Variants in NFIC observed in about 807,000 individuals in gnomAD.
The protein encoded by NFIC is nuclear factor I C.
NFIC carries 12 observed loss-of-function variants against 54.4 expected under a neutral mutation model. The ratio of observed to expected loss-of-function variants is 0.22; its 90% CI spans 0.14 to 0.36. The LOEUF (loss-of-function observed/expected upper bound fraction) is 0.36, where lower values mean the gene tolerates loss of function less well. Among genes scored for constraint, NFIC ranks in the 10% least tolerant of loss-of-function variants. The probability of loss-of-function intolerance (pLI) is 1.00; values close to 1 mark genes in which losing one functional copy is unlikely to be tolerated. For synonymous variants in NFIC, 322 were observed against 319.2 expected (o/e 1.01, Z -0.09); for missense variants, 575 against 718.2 (o/e 0.80, Z 2.28).
At chr19:3,390,077 C>T (rs963900435) in intron 2 of NFIC, among the ~76,000 whole-genome samples, 16 of 152,252 alleles carry the variant, frequency 1.1e-4, no homozygotes, top group Non-Finnish European at 5.9e-5. Context: ...CCAGTGCCGC[C>T]GTGAAACCCT....
At chr19:3,411,194 A>G (rs571493454) in intron 2 of NFIC, 2 of 151,280 alleles carry the variant, frequency 1.3e-5, no homozygotes, top group Non-Finnish European at 1.5e-5. Flanking sequence ...TTTTTTTTTT[A>G]AAGTAGAGAT....
chr19:3,363,265 ATATATTT>A (rs1249931719), upstream of NFIC, among the ~76,000 whole-genome samples: 200 of 48,672 alleles, frequency 4.1e-3, 1 homozygote, highest in African/African-American at 0.019. Context: ...ATATATATAT[ATATATTT>A]TTTTTTTTTT....
chr19:3,445,522 C>T (rs557196713), intron 6 of NFIC, among the ~76,000 whole-genome samples: 137 of 152,314 alleles, frequency 9.0e-4, no homozygotes, highest in Middle Eastern at 6.8e-3. Context: ...CCTCCAGAGC[C>T]GGGTGTTCCC....
chr19:3,385,043 CTCAGCAGGCAGGCCTGT>C (rs2081272324), intron 2 of NFIC, among the ~76,000 whole-genome samples: 1 of 144,436 alleles, frequency 6.9e-6, no homozygotes, highest in African/African-American at 2.5e-5. Flanking sequence ...CCCGCCTCTG[CTCAGCAGGCAGGCCTGT>C]GCCCCAGGTC....
intron 2 of NFIC, among the ~76,000 whole-genome samples, chr19:3,416,643 G>A (rs1237309960): frequency 2.0e-5 from 3 of 150,444 alleles, no homozygotes; most frequent in African/African-American, 7.3e-5. Flanking sequence ...TCCTGCGTCA[G>A]CCTCCTGAGT....
At chr19:3,405,813 G>T (rs1287780128) in intron 2 of NFIC, among the ~76,000 whole-genome samples, 2 of 152,068 alleles carry the variant, frequency 1.3e-5, no homozygotes, top group African/African-American at 4.8e-5. Context: ...ATGTTGGCCA[G>T]GCTGGTCTCG....
intron 1 of NFIC, among the ~76,000 whole-genome samples, chr19:3,379,556 G>A (rs2081163553): frequency 6.6e-6 from 1 of 151,344 alleles, no homozygotes; most frequent in African/African-American, 2.4e-5. Flanking sequence ...ATGTTGGCCA[G>A]GCTGGTGTCA....
At chr19:3,419,823 A>G (rs933467231) in intron 2 of NFIC, among the ~76,000 whole-genome samples, 1 of 151,890 alleles carries the variant, frequency 6.6e-6, no homozygotes, top group Admixed American at 6.6e-5. Context: ...ATTTAATTTA[A>G]TTAAAAAACA....
At chr19:3,454,104 G>A (rs967950891) in intron 9 of NFIC, 188 bp downstream of exon 9, 1 of 1,355,964 alleles carries the variant, frequency 7.4e-7, no homozygotes, top group Non-Finnish European at 9.4e-7. Flanking sequence ...AGCCTTAGGG[G>A]CTGGCCGGAC....
At chr19:3,366,391 A>G (rs139719758), upstream of NFIC, among the ~76,000 whole-genome samples, 1,804 of 149,818 alleles carry the variant, frequency 0.012, 48 homozygotes, top group African/African-American at 0.043. Context: ...AGACAGAGAG[A>G]CAGAGACGGG....
intron 3 of NFIC, among the ~76,000 whole-genome samples, chr19:3,429,253 T>TACAC (rs57948823): frequency 0.11 from 5,518 of 50,468 alleles, 676 homozygotes; most frequent in Middle Eastern, 0.14. Flanking sequence ...AAAAAATATA[T>TACAC]ACACACACAC....
chr19:3,449,076 C>A lies in NFIC; in HGVS notation c.1021C>A (p.Gln341Lys), dbSNP rs773900864. 4 of 1,613,454 alleles carry A rather than the reference C, an allele frequency of 2.5e-6. No homozygotes were observed. The highest frequency in any genetic ancestry group is 2.2e-5 in the East Asian group (1 of 44,872). ...GTCACCATTCAACAGCCCGTCCCCC[C>A]AGGACTCTCCCCGCCTCTCCAGCTT... is the stretch of plus-strand genomic sequence containing the variant. ...DKSPFNSPSP[Q>K]DSPRLSSFTQ... The change falls in exon 7 of 11, where the codon CAG becomes AAG. Residue 341 changes from glutamine (Q) to lysine (K), a missense_variant. Gln to Lys is a moderately conservative substitution (Grantham distance 53). This residue lies in a region of NFIC where 447 missense variants were observed against 526.9 expected (regional missense o/e 0.85). Coordinates refer to ENST00000443272, the MANE Select transcript of NFIC (RefSeq NM_001245002.2).
At chr19:3,412,741 A>C (rs1489197373) in intron 2 of NFIC, among the ~76,000 whole-genome samples, 1 of 152,174 alleles carries the variant, frequency 6.6e-6, no homozygotes, top group African/African-American at 2.4e-5. Flanking sequence ...GAGCTCATTA[A>C]ACCATCCGTA....
At chr19:3,425,622 G>A (rs2082015562) in intron 3 of NFIC, among the ~76,000 whole-genome samples, 1 of 152,026 alleles carries the variant, frequency 6.6e-6, no homozygotes, top group African/African-American at 2.4e-5. Flanking sequence ...ACCACACCCG[G>A]CTAATTTTTG....
intron 1 of NFIC, among the ~76,000 whole-genome samples, chr19:3,379,624 G>T (rs2081165368): frequency 6.6e-6 from 1 of 151,636 alleles, no homozygotes. Flanking sequence ...GGGATTACAG[G>T]CGTGAGCCAC....
intron 1 of NFIC, among the ~76,000 whole-genome samples, chr19:3,381,308 T>A (rs2081202348): frequency 6.7e-6 from 1 of 148,924 alleles, no homozygotes; most frequent in South Asian, 2.1e-4. Context: ...GGCAGGAGAA[T>A]CGCTTGAACC....
intron 2 of NFIC, among the ~76,000 whole-genome samples, chr19:3,412,595 G>C (rs2145571934): frequency 6.6e-6 from 1 of 152,168 alleles, no homozygotes; most frequent in East Asian, 1.9e-4. Context: ...ACAAAACTGG[G>C]TTGGTGCATC....
chr19:3,421,856 C>T (rs2081958428), intron 2 of NFIC, among the ~76,000 whole-genome samples: 1 of 152,184 alleles, frequency 6.6e-6, no homozygotes, highest in Non-Finnish European at 1.5e-5. Flanking sequence ...CAGCTCACTG[C>T]ACCCTTGACC....
rs2082505413 is a variant in NFIC, at chr19:3,453,730, A to T, written c.1270-33A>T. The T allele has an allele frequency of 1.3e-6, 2 of 1,579,496 alleles. No individual in the cohort carries two copies. The highest frequency in any genetic ancestry group is 2.3e-5 in the South Asian group (2 of 86,500). ...GCAGCCCGAGGTAGAGGGGGAGCCCACCCCTTAACCACGTGTCTCTCTGTT... is the reference window on the plus strand; with the variant it reads ...GCAGCCCGAGGTAGAGGGGGAGCCCTCCCCTTAACCACGTGTCTCTCTGTT... On this transcript the variant is annotated intron_variant, in intron 8 of 10. Transcript: ENST00000443272. This position sits in a 1 kb window ranked among gnomAD's most constrained non-coding sequence, Gnocchi z 6.7.
Sources: allele counts gnomAD v4.1 joint callset (sites outside exome capture counted in the v4.1 genomes callset), GRCh38; gene constraint gnomAD v4.1.1; regional missense constraint gnomAD v4.1.1; non-coding constraint Gnocchi (gnomAD v3.1); transcripts MANE v1.5; gene names NCBI Gene and HGNC (gene_info 2026-07-23, HGNC 2026-07-21).